Variants in CDKN2B-AS1 observed in about 807,000 individuals in gnomAD.
CDKN2B-AS1 encodes CDKN2B and CDKN2A antisense cis and trans regulatory RNA 1.
At chr9:22,011,282 A>T (rs1483799198) in intron 1 of CDKN2B-AS1, among the ~76,000 whole-genome samples, 1 of 152,264 alleles carries the variant, frequency 6.6e-6, no homozygotes, top group African/African-American at 2.4e-5. Flanking sequence ...TGGTTTTCAA[A>T]TATGATTGGA....
chr9:22,051,949 T>C (rs1246187251), intron 3 of CDKN2B-AS1, among the ~76,000 whole-genome samples: 1 of 152,168 alleles, frequency 6.6e-6, no homozygotes, highest in African/African-American at 2.4e-5. Flanking sequence ...GAAACAACCC[T>C]TGACATTTCA....
At chr9:22,126,571 A>ATTTTTTTTTTT (rs1818026896) in intron 4 of CDKN2B-AS1, among the ~76,000 whole-genome samples, 6 of 100,594 alleles carry the variant, frequency 6.0e-5, no homozygotes, top group African/African-American at 2.6e-4. Flanking sequence ...GAGTAAGTGG[A>ATTTTTTTTTTT]TTCTTTTTTT....
In CDKN2B-AS1 at chr9:21,997,766, C is replaced by T. The variant is rs534230919; in HGVS notation, n.29+2605C>T. Reference sequence around the variant, plus strand: ...AATGTTAATCATATCTAAAAAATACCTCCACAGCAATATTTAGACTGGTGT... The same window carrying T: ...AATGTTAATCATATCTAAAAAATACTTCCACAGCAATATTTAGACTGGTGT... On this transcript the variant is annotated intron_variant and non_coding_transcript_variant, in intron 1 of 4. Transcript: ENST00000650946. The surrounding 1 kb of genome is among the most constrained non-coding windows in gnomAD (Gnocchi z 4.8). Among the ~76,000 whole-genome samples, 2 of 152,104 alleles carry T rather than the reference C, an allele frequency of 1.3e-5. No individual in the cohort carries two copies. Among genetic ancestry groups the T allele is most frequent in the South Asian group, 2.1e-4 (1 of 4,808 alleles).
At chr9:22,072,176 A>ACTTG (rs1305574489) in intron 4 of CDKN2B-AS1, among the ~76,000 whole-genome samples, 4 of 152,210 alleles carry the variant, frequency 2.6e-5, no homozygotes, top group Non-Finnish European at 5.9e-5. Context: ...CATTTAGAGT[A>ACTTG]CTTGCCTCTG....
At position 22,005,816 on chromosome 9, in the gene CDKN2B-AS1, G is replaced by A; in HGVS notation, n.29+10655G>A. 1 of 807,140 alleles carries A rather than the reference G, an allele frequency of 1.2e-6. No homozygotes were observed. Among genetic ancestry groups the A allele is most frequent in the Non-Finnish European group, 2.0e-6 (1 of 506,730 alleles). 50.0% of individuals were successfully genotyped at this position (807,140 alleles called of 1,614,324 possible). Reference sequence around the variant, plus strand: ...GGCCAGATAAGACAAAGAAAAAAATGTATGGAAGGTTATTCCCGGTCGGCT... The same window carrying A: ...GGCCAGATAAGACAAAGAAAAAAATATATGGAAGGTTATTCCCGGTCGGCT... On this transcript the variant is annotated intron_variant and non_coding_transcript_variant, in intron 1 of 4. Transcript: ENST00000650946. The surrounding 1 kb of genome is among the most constrained non-coding windows in gnomAD (Gnocchi z 4.9).
intron 4 of CDKN2B-AS1, among the ~76,000 whole-genome samples, chr9:22,068,768 A>G (rs1013525121): frequency 2.0e-5 from 3 of 152,264 alleles, no homozygotes; most frequent in African/African-American, 7.2e-5. Context: ...CAAATGAAAC[A>G]TAATCAAGCT....
rs563181942 is a variant in CDKN2B-AS1, at chr9:22,044,128, A to G, written n.30-2623A>G. Among the ~76,000 whole-genome samples the G allele has an allele frequency of 2.7e-3, 415 of 152,056 alleles. 3 individuals are homozygous for G. The highest frequency in any genetic ancestry group is 3.6e-3 in the Non-Finnish European group (245 of 67,906). On this transcript the variant is annotated intron_variant and non_coding_transcript_variant, in intron 1 of 4. Transcript: ENST00000650946. ...GTGGAAGTCAAGCTTTTTTTCGCCT[A>G]GGTCAGCTATAACTAACACGACAAG...
At chr9:22,072,744 G>A (rs1824347086) in intron 4 of CDKN2B-AS1, among the ~76,000 whole-genome samples, 1 of 152,218 alleles carries the variant, frequency 6.6e-6, no homozygotes, top group Non-Finnish European at 1.5e-5. Context: ...GTGAGTTGAT[G>A]TACAGTGTGA....
intron 4 of CDKN2B-AS1, among the ~76,000 whole-genome samples, chr9:22,101,001 A>G (rs947107526): frequency 6.6e-6 from 1 of 151,978 alleles, no homozygotes; most frequent in East Asian, 1.9e-4. Context: ...TGGGTTGTTT[A>G]CCTCCCTATT....
rs1023243148 is a variant in CDKN2B-AS1 at position 22,094,998 on chromosome 9, T to A, written n.439-32105T>A. 5.0e-4 allele frequency among the ~76,000 whole-genome samples: 72 copies of A among 145,034 alleles called. 15 individuals are homozygous for A. Among genetic ancestry groups the A allele is most frequent in the African/African-American group, 1.9e-3 (68 of 35,052 alleles). On this transcript the variant is annotated intron_variant and non_coding_transcript_variant, in intron 4 of 4. Coordinates refer to ENST00000650946, the Ensembl canonical transcript of CDKN2B-AS1. ...CGTACAGATGGGGTTTTGGTGTGGA[T>A]GTCCTTTCTGTTTGTTAGTTTTCCT... is the stretch of plus-strand genomic sequence containing the variant.
chr9:22,118,103 T>G (rs17761446), intron 4 of CDKN2B-AS1: 3,323 of 152,384 alleles, frequency 0.022, 153 homozygotes, highest in East Asian at 0.19. Flanking sequence ...CAGATGTTTC[T>G]AACAAAGGAG....
At chr9:22,042,116 C>G (rs182575745) in intron 1 of CDKN2B-AS1, among the ~76,000 whole-genome samples, 1 of 152,164 alleles carries the variant, frequency 6.6e-6, no homozygotes, top group Non-Finnish European at 1.5e-5. Context: ...TCATTCACTG[C>G]TGGGCCTGGT....
At chr9:22,043,691 C>T (rs1238349174) in intron 1 of CDKN2B-AS1, among the ~76,000 whole-genome samples, 6 of 151,976 alleles carry the variant, frequency 3.9e-5, no homozygotes, top group Admixed American at 2.6e-4. Flanking sequence ...ACCACCTATA[C>T]TATTATGCTT....
At chr9:22,053,128 C>T (rs1823424570) in intron 3 of CDKN2B-AS1, among the ~76,000 whole-genome samples, 1 of 152,200 alleles carries the variant, frequency 6.6e-6, no homozygotes, top group South Asian at 2.1e-4. Context: ...GTATGTGAAT[C>T]TGAAAGTGCA....
intron 4 of CDKN2B-AS1, among the ~76,000 whole-genome samples, chr9:22,098,521 A>T (rs1432584692): frequency 6.6e-6 from 1 of 152,180 alleles, no homozygotes; most frequent in African/African-American, 2.4e-5. Context: ...TCCACTTGTA[A>T]CCACATGTCA....
intron 4 of CDKN2B-AS1, among the ~76,000 whole-genome samples, chr9:22,064,717 G>T (rs1823969828): frequency 6.6e-6 from 1 of 152,100 alleles, no homozygotes; most frequent in Non-Finnish European, 1.5e-5. Context: ...AACATGGGCT[G>T]CCTCCTGTGT....
chr9:22,029,352 G>T, intron 1 of CDKN2B-AS1: 1 of 756,512 alleles, frequency 1.3e-6, no homozygotes, highest in Non-Finnish European at 2.5e-6. Context: ...TATCTAATGG[G>T]ATTCCTGATG....
At chr9:22,080,292 T>C (rs1824649997) in intron 4 of CDKN2B-AS1, among the ~76,000 whole-genome samples, 1 of 152,228 alleles carries the variant, frequency 6.6e-6, no homozygotes, top group African/African-American at 2.4e-5. Context: ...CAAAGTATTT[T>C]GGAACAGAAA....
intron 4 of CDKN2B-AS1, among the ~76,000 whole-genome samples, chr9:22,114,777 C>T (rs1351981004): frequency 1.3e-5 from 2 of 152,214 alleles, no homozygotes; most frequent in African/African-American, 4.8e-5. Context: ...GTCATAATTA[C>T]TATCAGAGCA....
Sources: gnomAD v4.1 joint callset for allele counts (sites outside exome capture counted in the v4.1 genomes callset) on GRCh38, gnomAD v4.1.1 for gene constraint, Gnocchi (gnomAD v3.1) non-coding constraint, MANE v1.5 for transcripts, NCBI Gene and HGNC (gene_info 2026-07-23, HGNC 2026-07-21) for gene names.